LRP1B: variants seen among roughly 807,000 people sequenced by gnomAD.
LRP1B encodes low-density lipoprotein receptor-related protein 1B.
In LRP1B, 217 loss-of-function variants were observed where a neutral mutation model predicts 556.6. That is an observed-to-expected ratio of 0.39 (90% confidence interval 0.35 to 0.44). LRP1B has a LOEUF of 0.44. LRP1B is among the 20% of genes least tolerant of loss of function. The pLI is 1.00. For missense variants in LRP1B, 5,053 were observed against 5,620.8 expected (o/e 0.90, Z 3.23); for synonymous variants, 2,047 against 1,865.8 (o/e 1.10, Z -2.50).
chr2:140,660,051 G>A (rs531467969), intron 41 of LRP1B, among the ~76,000 whole-genome samples: 1 of 151,946 alleles, frequency 6.6e-6, no homozygotes, highest in East Asian at 1.9e-4. Context: ...TTATCAATGT[G>A]ATACATGCTT....
chr2:141,331,731 CT>C (rs1469170885), intron 3 of LRP1B, among the ~76,000 whole-genome samples: 1 of 151,968 alleles, frequency 6.6e-6, no homozygotes, highest in Non-Finnish European at 1.5e-5. Flanking sequence ...ACTGTAATGT[CT>C]TTGGAAAGGG....
chr2:140,319,719 C>T (rs573706053), intron 82 of LRP1B, among the ~76,000 whole-genome samples: 20 of 152,202 alleles, frequency 1.3e-4, no homozygotes, highest in South Asian at 1.0e-3. Context: ...ACCTCTATGA[C>T]GCAGGCAGAA....
At chr2:141,585,464 TGTGTGA>T (rs1687105176) in intron 2 of LRP1B, among the ~76,000 whole-genome samples, 1 of 147,414 alleles carries the variant, frequency 6.8e-6, no homozygotes, top group South Asian at 2.1e-4. Flanking sequence ...TGTGTGTGTG[TGTGTGA>T]TGGGGTGGGG....
intron 7 of LRP1B, among the ~76,000 whole-genome samples, chr2:141,166,345 G>A (rs755464113): frequency 6.2e-5 from 9 of 145,352 alleles, no homozygotes; most frequent in Non-Finnish European, 9.0e-5. Context: ...GGCTTTTTCT[G>A]ACTAACATCT....
At chr2:140,827,457 G>A (rs1170332677) in intron 31 of LRP1B, among the ~76,000 whole-genome samples, 2 of 151,836 alleles carry the variant, frequency 1.3e-5, no homozygotes, top group Non-Finnish European at 2.9e-5. Context: ...AATCTTAGAA[G>A]TGAGAAACAA....
rs367740954 is a variant in LRP1B at position 141,934,129 on chromosome 2, G to GA, written c.83-123729dup. Reference sequence around the variant, plus strand: ...ATAAAAATGTAGTTTATTTAGATATGAAAAATATTGCTTTTTATATGTAAA... The same window carrying GA: ...ATAAAAATGTAGTTTATTTAGATATGAAAAAATATTGCTTTTTATATGTAAA... On this transcript the variant is annotated intron_variant, in intron 1 of 90. Coordinates refer to ENST00000389484, the MANE Select transcript of LRP1B (RefSeq NM_018557.3). Among the ~76,000 whole-genome samples the GA allele has an allele frequency of 2.2e-3, 340 of 152,228 alleles. 2 individuals are homozygous for GA. The highest frequency in any genetic ancestry group is 4.0e-3 in the Non-Finnish European group (271 of 67,980).
chr2:141,816,131 T>C (rs1696537890), intron 1 of LRP1B, among the ~76,000 whole-genome samples: 1 of 150,658 alleles, frequency 6.6e-6, no homozygotes, highest in South Asian at 2.1e-4. Flanking sequence ...AGAATAATTC[T>C]TTGGGAAAAT....
Position 141,595,800 on chromosome 2 carries a change from C to A in LRP1B, c.206-115267G>T, listed in dbSNP as rs187459514. Among the ~76,000 whole-genome samples the A allele has an allele frequency of 4.9e-3, 752 of 152,046 alleles. 2 individuals are homozygous for A. Among genetic ancestry groups the A allele is most frequent in the Non-Finnish European group, 8.4e-3 (568 of 67,890 alleles). On this transcript the variant is annotated intron_variant, in intron 2 of 90. Transcript: ENST00000389484. ...TTAAATGCCCTACATAGATTAGAAA[C>A]CTCAGCTCATGTCAGAAGAATATCC...
intron 2 of LRP1B, among the ~76,000 whole-genome samples, chr2:141,732,183 C>T (rs551471677): frequency 1.3e-5 from 2 of 152,230 alleles, no homozygotes; most frequent in South Asian, 4.1e-4. Context: ...TCTGCTAACC[C>T]TGCTTCTATC....
chr2:140,449,301 G>A (rs992509036), intron 63 of LRP1B, among the ~76,000 whole-genome samples: 2 of 151,836 alleles, frequency 1.3e-5, no homozygotes, highest in Non-Finnish European at 2.9e-5. Context: ...ACTTTATTGT[G>A]GGGAAAGTAA....
At chr2:141,908,754 C>T (rs868574881) in intron 1 of LRP1B, among the ~76,000 whole-genome samples, 1 of 151,912 alleles carries the variant, frequency 6.6e-6, no homozygotes, top group African/African-American at 2.4e-5. Flanking sequence ...TAGATGTTAT[C>T]AAATATCAAC....
At chr2:141,106,644 C>T (rs1700609652) in intron 7 of LRP1B, among the ~76,000 whole-genome samples, 1 of 152,118 alleles carries the variant, frequency 6.6e-6, no homozygotes, top group South Asian at 2.1e-4. Flanking sequence ...ATGACCTGTG[C>T]AGCTAATAGG....
At chr2:140,497,953 TA>T (rs1010558115) in intron 55 of LRP1B, among the ~76,000 whole-genome samples, 13 of 151,970 alleles carry the variant, frequency 8.6e-5, no homozygotes, top group Middle Eastern at 7.0e-3. Context: ...ATAACATGTG[TA>T]AAAAGAAAAT....
At chr2:141,049,305 C>A (rs1406884559) in intron 10 of LRP1B, 83 bp from the exon 11 acceptor site, 5 of 862,986 alleles carry the variant, frequency 5.8e-6, no homozygotes, top group Admixed American at 2.2e-5. Flanking sequence ...TTAACTGGCA[C>A]AATTAGCGTT....
At position 141,247,235 on chromosome 2, in the gene LRP1B, C is replaced by A. The variant is rs1185589354; in HGVS notation, c.583G>T (p.Ala195Ser). The A allele has an allele frequency of 7.4e-6, 12 of 1,613,600 alleles. No individual in the cohort carries two copies. Among genetic ancestry groups the A allele is most frequent in the Non-Finnish European group, 8.5e-6 (10 of 1,179,720 alleles). The change falls in exon 5 of 91, where the codon GCT (alanine) becomes TCT (serine). Residue 195 changes from alanine (A) to serine (S), a missense_variant. This residue lies in a region of LRP1B where 3,619 missense variants were observed against 3,931.9 expected (regional missense o/e 0.92). Transcript: ENST00000389484. Reference sequence around the variant, plus strand: ...AATGGTCATAACTTACCAATTTTAGCCTTGCAAGATCTGTTGTCTGGCTGC... The same window carrying A: ...AATGGTCATAACTTACCAATTTTAGACTTGCAAGATCTGTTGTCTGGCTGC... ...LMQPDNRSCKAKIEPTDRPPI... is the reference protein window; with the variant it reads ...LMQPDNRSCKSKIEPTDRPPI...
chr2:141,310,118 A>G (rs920226413), intron 3 of LRP1B, among the ~76,000 whole-genome samples: 12 of 152,206 alleles, frequency 7.9e-5, no homozygotes, highest in Non-Finnish European at 1.5e-4. Flanking sequence ...ATGTATAGGT[A>G]GACAAACAAC....
chr2:140,294,050 T>C (rs1054241280), intron 84 of LRP1B, among the ~76,000 whole-genome samples: 2 of 152,184 alleles, frequency 1.3e-5, no homozygotes, highest in African/African-American at 4.8e-5. Flanking sequence ...AAACATAAGC[T>C]AACTGAATTT....
chr2:140,621,136 C>T lies in LRP1B; in HGVS notation c.6800-19497G>A, dbSNP rs562269489. Among the ~76,000 whole-genome samples the T allele has an allele frequency of 9.9e-5, 15 of 151,784 alleles. No homozygotes were observed. The East Asian group carries it at 1.7e-3, about 18-fold the overall frequency. On this transcript the variant is annotated intron_variant, in intron 41 of 90. Transcript: ENST00000389484. ...GTGGCTCACATCTGGAATCCCAGCA[C>T]TTTGGGAGGCCGAGGCAGGTGGATC... is the stretch of plus-strand genomic sequence containing the variant.
chr2:140,959,140 A>G (rs1573922787), intron 18 of LRP1B, among the ~76,000 whole-genome samples: 4 of 151,206 alleles, frequency 2.6e-5, no homozygotes, highest in Admixed American at 2.0e-4. Context: ...AATTTCCAGT[A>G]TTAGTAGACT....
Sources: gnomAD v4.1 joint callset for allele counts (sites outside exome capture counted in the v4.1 genomes callset) on GRCh38, gnomAD v4.1.1 for gene constraint, gnomAD v4.1.1 regional missense constraint, MANE v1.5 for transcripts, NCBI Gene and HGNC (gene_info 2026-07-23, HGNC 2026-07-21) for gene names.